The following ARHGEF33 variants were observed in gnomAD, a reference collection of about 807,000 sequenced individuals.
ARHGEF33 encodes the protein DH and coiled-coil domain-containing protein ENSP00000381780.
Under a neutral mutation model 101.9 loss-of-function variants are expected in ARHGEF33, and 72 were observed. The ratio of observed to expected loss-of-function variants is 0.71; its 90% CI spans 0.58 to 0.86. The LOEUF (loss-of-function observed/expected upper bound fraction) is 0.86. Ranked by LOEUF, ARHGEF33 falls within the 40% of genes least tolerant of loss-of-function variation. The probability of loss-of-function intolerance (pLI) is 0.00; values close to 1 mark genes in which losing one functional copy is unlikely to be tolerated. For missense variants in ARHGEF33, 1,169 were observed against 1,111.3 expected (o/e 1.05, Z -0.74); for synonymous variants, 499 against 442.5 (o/e 1.13, Z -1.60).
chr2:38,945,926 G>A (rs913232547), intron 10 of ARHGEF33, among the ~76,000 whole-genome samples: 4 of 152,160 alleles, frequency 2.6e-5, no homozygotes, highest in African/African-American at 4.8e-5. Context: ...GGATTCAAAC[G>A]CAAGCCTGCC....
At chr2:38,951,237 A>T (rs1450135192) in intron 11 of ARHGEF33, 116 bp downstream of exon 11, 6 of 966,004 alleles carry the variant, frequency 6.2e-6, no homozygotes, top group East Asian at 5.4e-5. Flanking sequence ...AACCACTGAG[A>T]TCTAGTCTAA....
intron 17 of ARHGEF33, 62 bp downstream of exon 17, chr2:38,966,207 T>C: frequency 3.9e-6 from 6 of 1,520,020 alleles, no homozygotes; most frequent in Non-Finnish European, 5.3e-6. Context: ...AATCTTGAGG[T>C]TTTAACAATA....
At chr2:38,972,558 A>G (rs1668189121) in intron 17 of ARHGEF33, among the ~76,000 whole-genome samples, 1 of 152,200 alleles carries the variant, frequency 6.6e-6, no homozygotes, top group African/African-American at 2.4e-5. Flanking sequence ...CAAAGTGAAA[A>G]TACCTAGTCA....
chr2:38,945,544 T>A (rs921394232), intron 10 of ARHGEF33, among the ~76,000 whole-genome samples: 2 of 152,178 alleles, frequency 1.3e-5, no homozygotes, highest in African/African-American at 4.8e-5. Flanking sequence ...CAGTTCCCCC[T>A]CCTTGACCCT....
chr2:38,958,288 C>T lies in ARHGEF33; in HGVS notation c.1535+90C>T, dbSNP rs1667825550. The T allele has an allele frequency of 1.6e-5, 23 of 1,465,950 alleles. No individual in the cohort carries two copies. The South Asian group carries it at 2.6e-4, about 17-fold the overall frequency. The allele number at this position is 1,465,950 out of a possible 1,614,324, so 90.8% of individuals were successfully genotyped here. ...GTTAGCAGGGCAGCCTAGATTCCTC[C>T]ATCCCCTTTCCCCATCAGGCCTATA... On this transcript the variant is annotated intron_variant, in intron 15 of 17. Coordinates refer to ENST00000409978, the MANE Select transcript of ARHGEF33 (RefSeq NM_001145451.5).
In ARHGEF33 at chr2:38,958,065, G is replaced by A. The variant is rs1667814418; in HGVS notation, c.1402G>A (p.Ala468Thr). 1 of 1,552,236 alleles carries A rather than the reference G, an allele frequency of 6.4e-7. No homozygotes were observed. Among genetic ancestry groups the A allele is most frequent in the Non-Finnish European group, 8.7e-7 (1 of 1,147,130 alleles). ...CATGGCGAAGCTGTACAAAGGGCTGGCTTCCCAGTGTGCCAATGCTGGGCA... is the reference window on the plus strand; with the variant it reads ...CATGGCGAAGCTGTACAAAGGGCTGACTTCCCAGTGTGCCAATGCTGGGCA... ...SSMAKLYKGL[A>T]SQCANAGQDA... Residue 468 changes from alanine to threonine, a missense_variant, in exon 15 of 18, where the codon GCT (alanine) becomes ACT (threonine). Physicochemically the swap from Ala to Thr is moderately conservative, Grantham distance 58. Transcript: ENST00000409978.
chr2:38,935,618 G>A (rs535506000), intron 7 of ARHGEF33, among the ~76,000 whole-genome samples, 157 bp from the exon 8 acceptor site: 5 of 151,374 alleles, frequency 3.3e-5, no homozygotes, highest in Non-Finnish European at 5.9e-5. Flanking sequence ...TGAGAAAATA[G>A]CACTTGCCAC....
intron 17 of ARHGEF33, among the ~76,000 whole-genome samples, chr2:38,969,867 T>G (rs1329426657): frequency 6.6e-5 from 10 of 152,244 alleles, no homozygotes; most frequent in Admixed American, 3.9e-4. Flanking sequence ...AACTGTCCCA[T>G]TCTAGAAGGA....
chr2:38,902,899 A>T (rs1666281207), intron 2 of ARHGEF33, among the ~76,000 whole-genome samples: 1 of 152,166 alleles, frequency 6.6e-6, no homozygotes, highest in African/African-American at 2.4e-5. Context: ...CTCCTCTCTT[A>T]TATGTATGGG....
chr2:38,951,226 G>T, intron 11 of ARHGEF33, 105 bp downstream of exon 11: 2 of 1,024,736 alleles, frequency 2.0e-6, no homozygotes, highest in Non-Finnish European at 2.8e-6. Flanking sequence ...TTCACAGCTA[G>T]AACCACTGAG....
chr2:38,901,516 A>G (rs1183370935), intron 2 of ARHGEF33, among the ~76,000 whole-genome samples: 1 of 152,208 alleles, frequency 6.6e-6, no homozygotes, highest in Non-Finnish European at 1.5e-5. Flanking sequence ...TTGGAAGCTA[A>G]CACATCCCTA....
intron 16 of ARHGEF33, among the ~76,000 whole-genome samples, chr2:38,962,849 CAAAAAA>C (rs386389985): frequency 1.3e-3 from 71 of 56,124 alleles, no homozygotes; most frequent in East Asian, 7.3e-3. Flanking sequence ...CCCGTCTCTA[CAAAAAA>C]AAAAAAAAAA....
intron 6 of ARHGEF33, among the ~76,000 whole-genome samples, chr2:38,930,571 C>A (rs892953391): frequency 2.8e-4 from 43 of 152,138 alleles, no homozygotes; most frequent in Admixed American, 2.0e-3. Flanking sequence ...GTCTTGAACT[C>A]CTGGGCTCAA....
chr2:38,955,672 T>C (rs1667722589), intron 13 of ARHGEF33, among the ~76,000 whole-genome samples: 1 of 150,228 alleles, frequency 6.7e-6, no homozygotes, highest in Non-Finnish European at 1.5e-5. Flanking sequence ...GCTTATTTAT[T>C]TATTTATTTA....
At chr2:38,947,025 A>G (rs1667468877) in intron 10 of ARHGEF33, among the ~76,000 whole-genome samples, 1 of 152,212 alleles carries the variant, frequency 6.6e-6, no homozygotes, top group Non-Finnish European at 1.5e-5. Context: ...AGATGAAAAT[A>G]AGTATATTAA....
At chr2:38,939,304 T>C (rs1421882523) in intron 9 of ARHGEF33, among the ~76,000 whole-genome samples, 1 of 152,208 alleles carries the variant, frequency 6.6e-6, no homozygotes, top group Non-Finnish European at 1.5e-5. Context: ...AAATTTTTTT[T>C]TAGTGGGGGG....
intron 2 of ARHGEF33, among the ~76,000 whole-genome samples, chr2:38,900,046 G>A (rs1666207235): frequency 6.6e-6 from 1 of 151,902 alleles, no homozygotes; most frequent in African/African-American, 2.4e-5. Context: ...ATTAAAATTA[G>A]TCTGGTGTGG....
In ARHGEF33 at chr2:38,973,948, A is replaced by C. The variant is rs921705786; in HGVS notation, c.*105A>C. Reference sequence around the variant, plus strand: ...TATCTATATCTATATATATATATATATCGATGTATAAATCCCTGAGGAAAA... The same window carrying C: ...TATCTATATCTATATATATATATATCTCGATGTATAAATCCCTGAGGAAAA... On this transcript the variant is annotated 3_prime_UTR_variant, in exon 18 of 18. Transcript: ENST00000409978. 3.8e-5 allele frequency: 26 copies of C among 692,362 alleles called. No homozygotes were observed. The highest frequency in any genetic ancestry group is 7.0e-5 in the South Asian group (1 of 14,372). 42.9% of individuals were successfully genotyped at this position (692,362 alleles called of 1,614,324 possible). A position where few individuals can be genotyped will look rare whatever the true frequency, so the allele number is the denominator to read the frequency against.
chr2:38,964,694 T>C (rs1668016478), intron 16 of ARHGEF33, among the ~76,000 whole-genome samples: 1 of 152,004 alleles, frequency 6.6e-6, no homozygotes, highest in Admixed American at 6.6e-5. Flanking sequence ...CAGATGAAGC[T>C]TCGCTTGCTC....
Sources: gnomAD v4.1 joint callset for allele counts (sites outside exome capture counted in the v4.1 genomes callset) on GRCh38, gnomAD v4.1.1 for gene constraint, MANE v1.5 for transcripts, NCBI Gene and HGNC (gene_info 2026-07-23, HGNC 2026-07-21) for gene names.